Variants in PCDH10 observed in about 807,000 individuals in gnomAD.
PCDH10 encodes the protein protocadherin 10.
A neutral mutation model predicts 74.4 loss-of-function variants in PCDH10; 15 were observed. The ratio of observed to expected loss-of-function variants is 0.20; its 90% confidence interval spans 0.13 to 0.31. The LOEUF (loss-of-function observed/expected upper bound fraction) is 0.31. Ranked by LOEUF, PCDH10 falls within the 10% of genes least tolerant of loss-of-function variation. The pLI is 1.00. For missense variants in PCDH10, 1,260 were observed against 1,390.2 expected, an observed-to-expected ratio of 0.91 and a Z score of 1.49; for synonymous variants, 619 against 589.8, an observed-to-expected ratio of 1.05 and a Z score of -0.72.
intron 3 of PCDH10, among the ~76,000 whole-genome samples, chr4:133,161,780 G>A (rs891354186): frequency 6.6e-6 from 1 of 151,794 alleles, no homozygotes; most frequent in Non-Finnish European, 1.5e-5. Context: ...ACTAGGCACT[G>A]TCATTCCACA....
Position 133,192,028 on chromosome 4 carries a change from T to G in PCDH10, c.*1868T>G, listed in dbSNP as rs1029920786. 6.6e-6 allele frequency: 1 copy of G among 150,992 alleles called. No individual in the cohort carries two copies. Among genetic ancestry groups the G allele is most frequent in the African/African-American group, 2.4e-5 (1 of 41,060 alleles). 9.4% of individuals were successfully genotyped at this position (150,992 alleles called of 1,614,324 possible). A position where few individuals can be genotyped will look rare whatever the true frequency, so the allele number is the denominator to read the frequency against. The stretch of plus-strand genomic sequence containing the variant: ...CCTGATATGTACATTTAGAGTGATA[T>G]ATTGGTATCACTCATTTGACTGTTA... On this transcript the variant is annotated 3_prime_UTR_variant, in exon 5 of 5. Coordinates refer to ENST00000264360, the MANE Select transcript of PCDH10 (RefSeq NM_032961.3).
At position 133,163,008 on chromosome 4, in the gene PCDH10, A is replaced by G. The variant is rs1560707818; in HGVS notation, c.2829A>G (p.Glu943=). Residue 943 remains glutamate (E), a synonymous_variant, in exon 4 of 5, where the codon GAA becomes GAG. Coordinates refer to ENST00000264360, the MANE Select transcript of PCDH10 (RefSeq NM_032961.3). The stretch of plus-strand genomic sequence containing the variant: ...ATCTCTTCTCCAATTGCACTGAGGA[A>G]TGTAAAGCTCTGGGCCACTCAGATC... ...GMDLFSNCTE[E]CKALGHSDRC... 1.2e-6 allele frequency: 2 copies of G among 1,613,688 alleles called. No individual in the cohort carries two copies. Among genetic ancestry groups the G allele is most frequent in the East Asian group, 2.2e-5 (1 of 44,862 alleles).
intron 2 of PCDH10, among the ~76,000 whole-genome samples, chr4:133,206,274 A>T (rs1728002882): frequency 6.6e-6 from 1 of 152,168 alleles, no homozygotes; most frequent in African/African-American, 2.4e-5. Flanking sequence ...TGACGATTGC[A>T]CATTAAACTG....
In PCDH10 at chr4:133,150,838, C is replaced by T; in HGVS notation, c.698C>T (p.Thr233Met). The change falls in exon 1 of 5, where the codon ACG becomes ATG. Residue 233 changes from threonine (T) to methionine (M), a missense_variant. By Grantham distance (81) the Thr-to-Met change is moderately conservative (BLOSUM62 -1). Coordinates refer to ENST00000264360, the MANE Select transcript of PCDH10 (RefSeq NM_032961.3). ...CCCCCCCAGCAGCAGCGCACCGGCA[C>T]GGCCCTACTCACCATCCGAGTGCTG... ...GLPPQQQRTG[T>M]ALLTIRVLDS... 3 of 1,595,122 alleles carry T rather than the reference C, an allele frequency of 1.9e-6. No homozygotes were observed. The highest frequency in any genetic ancestry group is 2.6e-6 in the Non-Finnish European group (3 of 1,171,898).
chr4:133,180,661 T>C (rs1727397503), intron 4 of PCDH10, among the ~76,000 whole-genome samples: 1 of 151,992 alleles, frequency 6.6e-6, no homozygotes, highest in African/African-American at 2.4e-5. Context: ...GATTGATTAA[T>C]TAAAATTTGA....
Position 133,205,647 on chromosome 4 carries a change from G to A in PCDH10, n.438-2429G>A, listed in dbSNP as rs1262657086. Among the ~76,000 whole-genome samples, 8 of 151,964 alleles carry A rather than the reference G, an allele frequency of 5.3e-5. No individual in the cohort carries two copies. The East Asian group carries it at 1.5e-3, about 29-fold the overall frequency. Reference sequence around the variant, plus strand: ...TTTTTGGCTCCTTCGTTATTTGGATGCTGAACCTCCTCTACTTGTCTGTCA... The same window carrying A: ...TTTTTGGCTCCTTCGTTATTTGGATACTGAACCTCCTCTACTTGTCTGTCA... On this transcript the variant is annotated intron_variant and non_coding_transcript_variant, in intron 2 of 2. Transcript: ENST00000511112.
Position 133,150,629 on chromosome 4 carries a change from C to T in PCDH10, c.489C>T (p.Pro163=), listed in dbSNP as rs770389948. 1 of 1,613,402 alleles carries T rather than the reference C, an allele frequency of 6.2e-7. No homozygotes were observed. Among genetic ancestry groups the T allele is most frequent in the Non-Finnish European group, 8.5e-7 (1 of 1,179,982 alleles). ...TNSLRDYEIT[P]NSYFSLDVQT... is the part of the protein sequence containing the mutation. Reference sequence around the variant, plus strand: ...CCTTGCGCGACTACGAGATCACCCCCAACAGCTACTTCTCCCTGGACGTGC... The same window carrying T: ...CCTTGCGCGACTACGAGATCACCCCTAACAGCTACTTCTCCCTGGACGTGC... Residue 163 remains proline (P), a synonymous_variant, in exon 1 of 5, where the codon CCC becomes CCT. Transcript: ENST00000264360.
At chr4:133,196,782 TGGC>T (rs1225196803), downstream of PCDH10, among the ~76,000 whole-genome samples, 1 of 152,210 alleles carries the variant, frequency 6.6e-6, no homozygotes, top group African/African-American at 2.4e-5. Flanking sequence ...AAGATGGAGT[TGGC>T]TAGTTCGGAT....
intron 4 of PCDH10, among the ~76,000 whole-genome samples, chr4:133,169,342 C>T (rs913408172): frequency 2.2e-4 from 33 of 151,610 alleles, no homozygotes; most frequent in African/African-American, 7.0e-4. Flanking sequence ...AAAATATTGT[C>T]ATTTAAGGGC....
chr4:133,154,505 G>A (rs1326786636), intron 2 of PCDH10, 140 bp downstream of exon 2: 6 of 574,096 alleles, frequency 1.0e-5, no homozygotes, highest in Non-Finnish European at 1.9e-5. Flanking sequence ...GAACTATATT[G>A]TGTTTCCTAG....
At chr4:133,178,107 A>C (rs1283642510) in intron 4 of PCDH10, among the ~76,000 whole-genome samples, 1 of 152,012 alleles carries the variant, frequency 6.6e-6, no homozygotes, top group Non-Finnish European at 1.5e-5. Context: ...GGTATAGTTA[A>C]GGTTAAGATT....
At position 133,163,223 on chromosome 4, in the gene PCDH10, G is replaced by C. The variant is rs375623041; in HGVS notation, c.3044G>C (p.Arg1015Thr). ...AAGGCCCTTCACAGCACTCTGGAGA[G>C]GAAGGAGCTGGATGGACTGCTGACT... is the stretch of plus-strand genomic sequence containing the variant. The part of the protein sequence containing the change: ...KEKALHSTLE[R>T]KELDGLLTNT... Residue 1015 changes from arginine (R) to threonine (T), a missense_variant, in exon 4 of 5, where the codon AGG becomes ACG. Physicochemically the swap from Arg to Thr is moderately conservative, Grantham distance 71 (BLOSUM62 -1). Around this residue, in one of 11 missense-constraint regions of PCDH10, gnomAD observed 136 missense variants for 149.3 expected, o/e 0.91. Coordinates refer to ENST00000264360, the MANE Select transcript of PCDH10 (RefSeq NM_032961.3). 8.1e-6 allele frequency: 13 copies of C among 1,614,020 alleles called. No homozygotes were observed. The highest frequency in any genetic ancestry group is 1.1e-5 in the Non-Finnish European group (13 of 1,180,016).
intron 2 of PCDH10, among the ~76,000 whole-genome samples, chr4:133,205,370 C>G (rs1016175814): frequency 2.0e-5 from 3 of 152,138 alleles, no homozygotes; most frequent in African/African-American, 4.8e-5. Flanking sequence ...ATATCGTCTT[C>G]TAAGGGAAGT....
chr4:133,171,526 T>G (rs1007757567), intron 4 of PCDH10, among the ~76,000 whole-genome samples: 1 of 152,074 alleles, frequency 6.6e-6, no homozygotes, highest in African/African-American at 2.4e-5. Flanking sequence ...TTTCTTAAAG[T>G]GCAACATGTA....
chr4:133,203,943 G>C (rs1301112248), intron 2 of PCDH10, among the ~76,000 whole-genome samples: 1 of 152,140 alleles, frequency 6.6e-6, no homozygotes. Context: ...CTGGTAAACA[G>C]CAACACTAAG....
rs192354140 is a variant in PCDH10 at position 133,201,918 on chromosome 4, G to C, written n.438-6158G>C. On this transcript the variant is annotated intron_variant and non_coding_transcript_variant, in intron 2 of 2. Transcript: ENST00000511112. ...GATCCCTAATAAAGACAATTCTTTG[G>C]CTAGGGGAATCTTATCTTTGGGAGC... Among the ~76,000 whole-genome samples, 87 of 150,502 alleles carry C rather than the reference G, an allele frequency of 5.8e-4. 1 individual carries two copies. The highest frequency in any genetic ancestry group is 1.7e-3 in the African/African-American group (68 of 40,924).
In PCDH10 at chr4:133,152,205, G is replaced by A; in HGVS notation, c.2065G>A (p.Gly689Ser). Residue 689 changes from glycine to serine, a missense_variant, in exon 1 of 5, where the codon GGC becomes AGC. Around this residue, in one of 11 missense-constraint regions of PCDH10, gnomAD observed 587 missense variants for 616.9 expected, o/e 0.95. Transcript: ENST00000264360. ...VDGAVEPQGG[G>S]GSGGGGSGEH... ...TGGCGCCGTGGAGCCCCAGGGCGGG[G>A]GCGGGAGCGGAGGCGGAGGGTCAGG... is the stretch of plus-strand genomic sequence containing the variant. 6.3e-7 allele frequency: 1 copy of A among 1,584,388 alleles called. No homozygotes were observed. Among genetic ancestry groups the A allele is most frequent in the Non-Finnish European group, 8.6e-7 (1 of 1,165,260 alleles).
intron 4 of PCDH10, among the ~76,000 whole-genome samples, chr4:133,170,678 T>C (rs1727184615): frequency 2.1e-5 from 3 of 144,346 alleles, no homozygotes; most frequent in Admixed American, 2.0e-4. Flanking sequence ...CAATTCATTT[T>C]AGTGTATTCT....
intron 2 of PCDH10, among the ~76,000 whole-genome samples, chr4:133,203,072 A>G (rs1727935871): frequency 6.6e-6 from 1 of 152,132 alleles, no homozygotes; most frequent in African/African-American, 2.4e-5. Context: ...CCAGCTTGGT[A>G]TGGAGGATCA....
Sources: allele counts gnomAD v4.1 joint callset (sites outside exome capture counted in the v4.1 genomes callset), GRCh38; gene constraint gnomAD v4.1.1; regional missense constraint gnomAD v4.1.1; transcripts MANE v1.5; gene names NCBI Gene and HGNC (gene_info 2026-07-23, HGNC 2026-07-21).